The following LRRTM3 variants were observed in gnomAD, a reference collection of about 807,000 sequenced individuals.
LRRTM3 encodes leucine-rich repeat transmembrane neuronal protein 3.
Under a neutral mutation model 44.7 loss-of-function variants are expected in LRRTM3, and 24 were observed. The observed-to-expected ratio is 0.54, with a 90% confidence interval of 0.39 to 0.76. The LOEUF (loss-of-function observed/expected upper bound fraction) is 0.76, where lower values mean the gene tolerates loss of function less well. LRRTM3 is among the 30% of genes least tolerant of loss of function. The pLI, the probability that LRRTM3 is intolerant of heterozygous loss-of-function variation, is 0.00. For missense variants in LRRTM3, 587 were observed against 702.2 expected (o/e 0.84, Z 1.85); for synonymous variants, 277 against 278.7 (o/e 0.99, Z 0.06).
In LRRTM3 at chr10:67,011,146, G is replaced by A. The variant is rs1420772731; in HGVS notation, c.1536+82694G>A. 2.6e-5 allele frequency among the ~76,000 whole-genome samples: 4 copies of A among 151,972 alleles called. No individual in the cohort carries two copies. The East Asian group carries it at 5.8e-4, about 22-fold the overall frequency. On this transcript the variant is annotated intron_variant, in intron 2 of 2. Coordinates refer to ENST00000361320, the MANE Select transcript of LRRTM3 (RefSeq NM_178011.5). ...GGGTCAAGACCATCCTGGCTAACAC[G>A]GTGAAACCCCGTCTCTACTAAAAAT... is the stretch of plus-strand genomic sequence containing the variant.
At chr10:66,958,240 A>T (rs1230258596) in intron 2 of LRRTM3, among the ~76,000 whole-genome samples, 1 of 151,484 alleles carries the variant, frequency 6.6e-6, no homozygotes, top group East Asian at 1.9e-4. Flanking sequence ...TGAAACAGGA[A>T]GATTTAGCAA....
chr10:66,944,175 C>T (rs1848163454), intron 2 of LRRTM3, among the ~76,000 whole-genome samples: 1 of 152,208 alleles, frequency 6.6e-6, no homozygotes, highest in Non-Finnish European at 1.5e-5. Flanking sequence ...TCCTCTCAAA[C>T]TCTGCCACTG....
At chr10:66,985,384 T>C (rs1850671521) in intron 2 of LRRTM3, among the ~76,000 whole-genome samples, 1 of 152,084 alleles carries the variant, frequency 6.6e-6, no homozygotes, top group East Asian at 1.9e-4. Context: ...GCTCAGAACA[T>C]GAAAATATAG....
intron 2 of LRRTM3, among the ~76,000 whole-genome samples, chr10:66,978,161 T>C (rs976320876): frequency 2.6e-5 from 4 of 151,756 alleles, no homozygotes; most frequent in Non-Finnish European, 5.9e-5. Flanking sequence ...TCAATAGGTA[T>C]AAAATTTCAG....
rs570286333 is a variant in LRRTM3, at chr10:67,078,331, C to T, written c.1537-19256C>T. ...TGGCCAAGGTACAGTGTCAAAAGCC[C>T]TAAAGCACAATTGCTCTAAAGTTTA... On this transcript the variant is annotated intron_variant, in intron 2 of 2. Coordinates refer to ENST00000361320, the MANE Select transcript of LRRTM3 (RefSeq NM_178011.5). Among the ~76,000 whole-genome samples the T allele has an allele frequency of 5.3e-5, 8 of 152,152 alleles. No individual in the cohort carries two copies. In the East Asian group the frequency reaches 1.5e-3, roughly 29 times the overall value.
chr10:66,962,186 T>A (rs1849147053), intron 2 of LRRTM3, among the ~76,000 whole-genome samples: 1 of 152,126 alleles, frequency 6.6e-6, no homozygotes, highest in Non-Finnish European at 1.5e-5. Context: ...CATTTCCTCA[T>A]CATGAAAGGC....
chr10:66,941,964 G>A (rs924914313), intron 2 of LRRTM3, among the ~76,000 whole-genome samples: 1 of 152,126 alleles, frequency 6.6e-6, no homozygotes, highest in African/African-American at 2.4e-5. Context: ...CATGGTGTAG[G>A]AGGGAGATCG....
chr10:67,046,506 T>A (rs1440411136), intron 2 of LRRTM3, among the ~76,000 whole-genome samples: 1 of 152,174 alleles, frequency 6.6e-6, no homozygotes, highest in Non-Finnish European at 1.5e-5. Flanking sequence ...AACAAGGGGA[T>A]TCCTGGAAAG....
chr10:67,002,217 T>A (rs1564823880), intron 2 of LRRTM3, among the ~76,000 whole-genome samples: 2 of 152,182 alleles, frequency 1.3e-5, no homozygotes, highest in Admixed American at 1.3e-4. Context: ...GGAAGCTTTT[T>A]CAAAACAATA....
At chr10:66,982,021 C>T (rs889496077) in intron 2 of LRRTM3, among the ~76,000 whole-genome samples, 3 of 152,164 alleles carry the variant, frequency 2.0e-5, no homozygotes, top group Non-Finnish European at 2.9e-5. Context: ...TATGAGAACA[C>T]TTCCCTCACC....
chr10:67,049,083 T>G (rs1854932129), intron 2 of LRRTM3, among the ~76,000 whole-genome samples: 1 of 151,200 alleles, frequency 6.6e-6, no homozygotes. Flanking sequence ...TAGAAAAAAA[T>G]GACATTTATA....
intron 2 of LRRTM3, among the ~76,000 whole-genome samples, chr10:66,952,376 TC>T (rs1243438670): frequency 1.3e-5 from 2 of 152,144 alleles, no homozygotes; most frequent in Non-Finnish European, 2.9e-5. Context: ...TAAAATCAAA[TC>T]TTCAGAGACA....
At chr10:66,933,428 A>C (rs1847518986) in intron 2 of LRRTM3, among the ~76,000 whole-genome samples, 1 of 152,258 alleles carries the variant, frequency 6.6e-6, no homozygotes, top group Non-Finnish European at 1.5e-5. Flanking sequence ...GCTTTCAATC[A>C]GGACGTTTAC....
At chr10:67,060,491 C>T (rs1339263361) in intron 2 of LRRTM3, among the ~76,000 whole-genome samples, 1 of 152,142 alleles carries the variant, frequency 6.6e-6, no homozygotes, top group Non-Finnish European at 1.5e-5. Context: ...TAGCCATGCT[C>T]ATCAAATATT....
At chr10:66,972,528 C>T (rs1849779208) in intron 2 of LRRTM3, among the ~76,000 whole-genome samples, 1 of 151,916 alleles carries the variant, frequency 6.6e-6, no homozygotes, top group Non-Finnish European at 1.5e-5. Flanking sequence ...GGTCCATTTG[C>T]TCTCGGAGAA....
intron 2 of LRRTM3, among the ~76,000 whole-genome samples, chr10:66,974,799 C>A (rs1235560346): frequency 6.6e-6 from 1 of 150,992 alleles, no homozygotes; most frequent in Non-Finnish European, 1.5e-5. Flanking sequence ...GCTTACCAAC[C>A]ATTTGTTTTT....
At chr10:67,081,464 T>G (rs886857929) in intron 2 of LRRTM3, among the ~76,000 whole-genome samples, 2 of 152,202 alleles carry the variant, frequency 1.3e-5, no homozygotes, top group Admixed American at 1.3e-4. Context: ...TTATATCCAT[T>G]TAACAGTGCC....
intron 2 of LRRTM3, among the ~76,000 whole-genome samples, chr10:67,028,264 T>C (rs1001526441): frequency 7.2e-5 from 11 of 152,200 alleles, no homozygotes; most frequent in African/African-American, 2.7e-4. Context: ...TATTTTGTTT[T>C]GTTATTTAAT....
intron 2 of LRRTM3, among the ~76,000 whole-genome samples, chr10:66,973,875 G>A (rs1849871284): frequency 6.6e-6 from 1 of 152,008 alleles, no homozygotes; most frequent in Non-Finnish European, 1.5e-5. Context: ...ATCCCCCTCG[G>A]CCTCCCAAAG....
Sources: allele counts gnomAD v4.1 joint callset (sites outside exome capture counted in the v4.1 genomes callset), GRCh38; gene constraint gnomAD v4.1.1; transcripts MANE v1.5; gene names NCBI Gene and HGNC (gene_info 2026-07-23, HGNC 2026-07-21).